Variants in EML4 observed in about 807,000 individuals in gnomAD.
The protein encoded by EML4 is EMAP like 4, also known as echinoderm microtubule-associated protein-like 4.
EML4 carries 72 observed loss-of-function variants against 129.0 expected under a neutral mutation model. The observed-to-expected ratio is 0.56, with a 90% CI of 0.46 to 0.68. The LOEUF is 0.68. Ranked by LOEUF, EML4 falls within the 30% of genes least tolerant of loss-of-function variation. The probability of loss-of-function intolerance (pLI) is 0.00; values close to 1 mark genes in which losing one functional copy is unlikely to be tolerated. For missense variants in EML4, 1,363 were observed against 1,190.6 expected (o/e 1.14, Z -2.13); for synonymous variants, 532 against 405.0 (o/e 1.31, Z -3.77).
At chr2:42,282,583 T>TG (rs1309373490) in intron 7 of EML4, among the ~76,000 whole-genome samples, 2 of 152,030 alleles carry the variant, frequency 1.3e-5, no homozygotes. Flanking sequence ...TCTGTCGAGA[T>TG]GGGGTCTCAC....
At chr2:42,220,244 T>C (rs1205603822) in intron 1 of EML4, among the ~76,000 whole-genome samples, 1 of 150,592 alleles carries the variant, frequency 6.6e-6, no homozygotes, top group South Asian at 2.1e-4. Flanking sequence ...GTATTTTTTT[T>C]TTTTTTTTTT....
At chr2:42,294,567 G>A (rs1054272411) in intron 11 of EML4, among the ~76,000 whole-genome samples, 2 of 152,028 alleles carry the variant, frequency 1.3e-5, no homozygotes, top group African/African-American at 4.8e-5. Context: ...ATGGTGGTGG[G>A]CGCCTGTGGT....
chr2:42,252,890 T>A (rs910825179), intron 2 of EML4, among the ~76,000 whole-genome samples: 2 of 152,178 alleles, frequency 1.3e-5, no homozygotes, highest in African/African-American at 4.8e-5. Context: ...TCCATTGATA[T>A]CTCTCTGTTA....
chr2:42,313,478 A>G (rs550908975), intron 17 of EML4, among the ~76,000 whole-genome samples: 3 of 152,256 alleles, frequency 2.0e-5, no homozygotes, highest in Admixed American at 6.5e-5. Context: ...TGAGTCTTCA[A>G]TTCTACCTTG....
At chr2:42,260,343 T>G (rs1205083335) in intron 3 of EML4, among the ~76,000 whole-genome samples, 1 of 152,180 alleles carries the variant, frequency 6.6e-6, no homozygotes, top group Non-Finnish European at 1.5e-5. Context: ...AATTTTTGTA[T>G]TTTTAGTAGA....
intron 10 of EML4, among the ~76,000 whole-genome samples, chr2:42,287,648 G>A (rs911041591): frequency 6.6e-6 from 1 of 152,048 alleles, no homozygotes; most frequent in African/African-American, 2.4e-5. Context: ...CTTAAAATAC[G>A]TGAATGAGAA....
intron 2 of EML4, among the ~76,000 whole-genome samples, chr2:42,245,950 T>C (rs1216221247): frequency 6.6e-6 from 1 of 152,204 alleles, no homozygotes; most frequent in Non-Finnish European, 1.5e-5. Context: ...TCCAACTAGA[T>C]GATAAGTTTA....
chr2:42,303,066 T>G (rs1367136260), intron 14 of EML4, 38 bp from the exon 15 acceptor site: 1 of 1,599,586 alleles, frequency 6.3e-7, no homozygotes, highest in Non-Finnish European at 8.5e-7. Flanking sequence ...TTAATGCATA[T>G]TAGTATGTAT....
Position 42,263,232 on chromosome 2 carries a change from T to C in EML4, c.567T>C (p.Asp189=). ...EKSHNSWENS[D]DSRNKLSKIP... ...CACATAATTCTTGGGAAAATTCAGA[T>C]GATAGCCGTAATAAATTGTCGAAAA... Residue 189 remains aspartate (D), a synonymous_variant, in exon 5 of 23, where the codon GAT becomes GAC. Coordinates refer to ENST00000318522, the MANE Select transcript of EML4 (RefSeq NM_019063.5). 6.2e-7 allele frequency: 1 copy of C among 1,613,306 alleles called. No individual in the cohort carries two copies. Among genetic ancestry groups the C allele is most frequent in the Non-Finnish European group, 8.5e-7 (1 of 1,179,634 alleles).
chr2:42,223,749 A>T (rs1324075164), intron 1 of EML4, among the ~76,000 whole-genome samples: 1 of 152,132 alleles, frequency 6.6e-6, no homozygotes, highest in Non-Finnish European at 1.5e-5. Flanking sequence ...CATTTTCACT[A>T]ATCTTTGGAC....
intron 1 of EML4, among the ~76,000 whole-genome samples, chr2:42,240,233 A>C (rs1305109943): frequency 6.6e-6 from 1 of 152,204 alleles, no homozygotes; most frequent in African/African-American, 2.4e-5. Flanking sequence ...GAAGCAATGC[A>C]TTTTACCTTA....
chr2:42,302,318 C>G (rs773473398), intron 14 of EML4, among the ~76,000 whole-genome samples: 49 of 152,026 alleles, frequency 3.2e-4, no homozygotes, highest in Admixed American at 7.2e-4. Context: ...TGTCTGTTGC[C>G]TCATGCATTT....
chr2:42,266,068 C>G (rs1666047543), intron 6 of EML4, among the ~76,000 whole-genome samples: 1 of 152,144 alleles, frequency 6.6e-6, no homozygotes, highest in Non-Finnish European at 1.5e-5. Context: ...TTATAGTAAC[C>G]AGCTGCAACG....
Position 42,225,560 on chromosome 2 carries a change from C to A in EML4, c.26-19945C>A, listed in dbSNP as rs984260166. On this transcript the variant is annotated intron_variant, in intron 1 of 22. Transcript: ENST00000318522. Reference sequence around the variant, plus strand: ...AGAAGAGTTTGTCAATATATACTTCCCTTCAGAATGTATAAAAGTTCTGAT... The same window carrying A: ...AGAAGAGTTTGTCAATATATACTTCACTTCAGAATGTATAAAAGTTCTGAT... Among the ~76,000 whole-genome samples the A allele has an allele frequency of 2.0e-5, 3 of 152,076 alleles. 1 individual carries two copies. The highest frequency in any genetic ancestry group is 4.4e-5 in the Non-Finnish European group (3 of 68,000).
chr2:42,316,108 G>A (rs977163443), intron 18 of EML4, 58 bp downstream of exon 18: 2 of 1,194,670 alleles, frequency 1.7e-6, no homozygotes, highest in Middle Eastern at 1.9e-4. Flanking sequence ...CACTGCAATT[G>A]CATAGTTTTA....
chr2:42,235,181 A>G (rs1404515256), intron 1 of EML4, among the ~76,000 whole-genome samples: 1 of 152,064 alleles, frequency 6.6e-6, no homozygotes, highest in African/African-American at 2.4e-5. Context: ...TTGTAATCCC[A>G]GCTACCCGGG....
intron 1 of EML4, among the ~76,000 whole-genome samples, chr2:42,177,256 C>G (rs750417079): frequency 6.8e-6 from 1 of 147,918 alleles, no homozygotes; most frequent in Non-Finnish European, 1.5e-5. Flanking sequence ...TTTCATACCT[C>G]TTTTTTTTTT....
chr2:42,261,575 A>G (rs949133998), intron 4 of EML4: 9 of 256,134 alleles, frequency 3.5e-5, no homozygotes, highest in Admixed American at 3.1e-4. Context: ...AAACCAAACA[A>G]TATTTTCTTA....
chr2:42,302,535 T>A (rs1668345484), intron 14 of EML4, among the ~76,000 whole-genome samples: 1 of 150,778 alleles, frequency 6.6e-6, no homozygotes, highest in Non-Finnish European at 1.5e-5. Context: ...AGAACTTACT[T>A]CTTTTTTTTT....
Sources: allele counts gnomAD v4.1 joint callset (sites outside exome capture counted in the v4.1 genomes callset), GRCh38; gene constraint gnomAD v4.1.1; transcripts MANE v1.5; gene names NCBI Gene and HGNC (gene_info 2026-07-23, HGNC 2026-07-21).